The following EEIG2 variants were observed in gnomAD, a reference collection of about 807,000 sequenced individuals.
EEIG2 encodes the protein EEIG family member 2.
the EEIG2 span, among the ~76,000 whole-genome samples, chr1:108,596,045 C>T: frequency 0.14 from 20,652 of 151,668 alleles, 2,009 homozygotes; most frequent in African/African-American, 0.28. Context: ...ATTATAAATA[C>T]AGACAGGTAA....
chr1:108,560,319 C>G, the EEIG2 span: 1 of 900,062 alleles, frequency 1.1e-6, no homozygotes, highest in South Asian at 4.9e-5. Context: ...GCCGCGCCCC[C>G]GCGCACAGCT....
the EEIG2 span, among the ~76,000 whole-genome samples, chr1:108,566,020 C>A: frequency 6.6e-6 from 1 of 152,078 alleles, no homozygotes; most frequent in Non-Finnish European, 1.5e-5. Context: ...TATGACCACA[C>A]TCCCCCACAC....
the EEIG2 span, chr1:108,625,567 T>C: frequency 1.3e-5 from 2 of 152,192 alleles, no homozygotes; most frequent in Non-Finnish European, 2.9e-5. Context: ...TGGGAACTTG[T>C]AACCATTCCA....
chr1:108,584,625 T>C, the EEIG2 span, among the ~76,000 whole-genome samples: 1 of 152,190 alleles, frequency 6.6e-6, no homozygotes, highest in African/African-American at 2.4e-5. Flanking sequence ...ACAACCACCT[T>C]TCAATGGCAG....
the EEIG2 span, among the ~76,000 whole-genome samples, chr1:108,632,138 A>AGG: frequency 1.2e-5 from 1 of 86,472 alleles, no homozygotes; most frequent in Admixed American, 1.2e-4. Context: ...AAAAAAAAAG[A>AGG]AGAAGAAGAA....
At chr1:108,576,248 C>T in the EEIG2 span, among the ~76,000 whole-genome samples, 3 of 152,162 alleles carry the variant, frequency 2.0e-5, no homozygotes, top group Admixed American at 6.5e-5. Context: ...TACCTGCCTA[C>T]GGTAATATCT....
chr1:108,622,708 A>C, the EEIG2 span, among the ~76,000 whole-genome samples: 1 of 152,234 alleles, frequency 6.6e-6, no homozygotes, highest in Non-Finnish European at 1.5e-5. Context: ...AGGAGATCCT[A>C]GGCTGGAAAT....
At chr1:108,560,409 G>T in the EEIG2 span, 13,950 of 1,573,292 alleles carry the variant, frequency 8.9e-3, 1,081 homozygotes, top group African/African-American at 0.17. Flanking sequence ...CGCCCAGCTT[G>T]CAGGCGCCTG....
the EEIG2 span, among the ~76,000 whole-genome samples, chr1:108,579,903 T>C: frequency 6.6e-6 from 1 of 152,086 alleles, no homozygotes; most frequent in South Asian, 2.1e-4. Flanking sequence ...TAGCTGAGAC[T>C]ACAGGTGGAT....
chr1:108,598,769 T>C, the EEIG2 span, among the ~76,000 whole-genome samples: 1 of 152,192 alleles, frequency 6.6e-6, no homozygotes, highest in Non-Finnish European at 1.5e-5. Flanking sequence ...AATACATACT[T>C]GATTTTTAAA....
At chr1:108,606,465 C>G in the EEIG2 span, among the ~76,000 whole-genome samples, 8 of 152,244 alleles carry the variant, frequency 5.3e-5, no homozygotes, top group East Asian at 1.3e-3. Context: ...TAGATTCAGC[C>G]TCCCTGCTAG....
the EEIG2 span, among the ~76,000 whole-genome samples, chr1:108,583,267 C>T: frequency 6.6e-6 from 1 of 151,956 alleles, no homozygotes; most frequent in South Asian, 2.1e-4. Context: ...AGGTGATCCT[C>T]CTGAGTAGCT....
the EEIG2 span, among the ~76,000 whole-genome samples, chr1:108,563,256 G>C: frequency 3.3e-5 from 5 of 152,170 alleles, no homozygotes; most frequent in Non-Finnish European, 7.4e-5. Context: ...CTGGAATTTT[G>C]GTTCTTGCTA....
At chr1:108,574,975 T>C in the EEIG2 span, among the ~76,000 whole-genome samples, 1 of 152,218 alleles carries the variant, frequency 6.6e-6, no homozygotes, top group Non-Finnish European at 1.5e-5. Context: ...CAATGATGAG[T>C]TCCTGCAATC....
chr1:108,606,006 C>T, the EEIG2 span, among the ~76,000 whole-genome samples: 1 of 152,058 alleles, frequency 6.6e-6, no homozygotes. Context: ...ATATTCTCAC[C>T]ATTTGTCTCA....
chr1:108,562,677 G>A, the EEIG2 span, among the ~76,000 whole-genome samples: 1 of 152,170 alleles, frequency 6.6e-6, no homozygotes, highest in Admixed American at 6.5e-5. Flanking sequence ...TGAGGATTTA[G>A]TGAGATGATG....
chr1:108,561,457 C>G, the EEIG2 span, among the ~76,000 whole-genome samples: 921 of 152,000 alleles, frequency 6.1e-3, 28 homozygotes, highest in East Asian at 0.084. Flanking sequence ...GTTATTTTGC[C>G]CATATATACT....
chr1:108,607,871 CCTT>C, the EEIG2 span, among the ~76,000 whole-genome samples: 1 of 152,268 alleles, frequency 6.6e-6, no homozygotes, highest in South Asian at 2.1e-4. Flanking sequence ...CCTGCACTGG[CCTT>C]CTAGAGTCTG....
the EEIG2 span, among the ~76,000 whole-genome samples, chr1:108,575,349 A>G: frequency 1.3e-5 from 2 of 152,234 alleles, no homozygotes; most frequent in Non-Finnish European, 2.9e-5. Context: ...TTCTCAGCTA[A>G]AATTAATAAC....
Sources: allele counts gnomAD v4.1 joint callset (sites outside exome capture counted in the v4.1 genomes callset), GRCh38; gene constraint gnomAD v4.1.1; transcripts MANE v1.5; gene names NCBI Gene and HGNC (gene_info 2026-07-23, HGNC 2026-07-21).